Variants in CPEB1 observed in about 807,000 individuals in gnomAD.
CPEB1 encodes cytoplasmic polyadenylation element binding protein 1.
In CPEB1, 7 loss-of-function variants were observed where a neutral mutation model predicts 65.8. The ratio of observed to expected loss-of-function variants is 0.11; its 90% CI spans 0.06 to 0.20. The LOEUF is 0.20. Ranked by LOEUF, CPEB1 falls within the 10% of genes least tolerant of loss-of-function variation. The probability of loss-of-function intolerance (pLI) is 1.00; values close to 1 mark genes in which losing one functional copy is unlikely to be tolerated. For synonymous variants in CPEB1, 262 were observed against 260.0 expected, an observed-to-expected ratio of 1.01 and a Z score of -0.08; for missense variants, 551 against 712.2, an observed-to-expected ratio of 0.77 and a Z score of 2.58.
intron 4 of CPEB1, among the ~76,000 whole-genome samples, chr15:82,566,352 T>C (rs2039122118): frequency 6.6e-6 from 1 of 152,206 alleles, no homozygotes; most frequent in East Asian, 1.9e-4. Context: ...GCCTGTGATA[T>C]AAGGCCGTAT....
intron 3 of CPEB1, among the ~76,000 whole-genome samples, chr15:82,618,072 C>T (rs540409726): frequency 2.6e-5 from 4 of 151,652 alleles, no homozygotes; most frequent in African/African-American, 9.7e-5. Flanking sequence ...TAATTGAAAG[C>T]TATTCTAAAA....
intron 4 of CPEB1, among the ~76,000 whole-genome samples, chr15:82,568,475 C>T (rs536977106): frequency 1.3e-5 from 2 of 152,280 alleles, no homozygotes; most frequent in East Asian, 3.9e-4. Flanking sequence ...TCAGGGTAGG[C>T]ACAGTCTAGA....
At chr15:82,615,694 A>C (rs181477355) in intron 3 of CPEB1, among the ~76,000 whole-genome samples, 2,687 of 152,302 alleles carry the variant, frequency 0.018, 30 homozygotes, top group Non-Finnish European at 0.025. Flanking sequence ...TTGAAGTATG[A>C]CAACATCTAG....
intron 1 of CPEB1, among the ~76,000 whole-genome samples, chr15:82,645,142 G>A (rs764187458): frequency 3.3e-5 from 5 of 152,158 alleles, no homozygotes; most frequent in African/African-American, 4.8e-5. Context: ...ACGGTTCGGA[G>A]GGGGGAAACC....
intron 3 of CPEB1, among the ~76,000 whole-genome samples, chr15:82,577,354 C>G (rs1342923400): frequency 6.6e-6 from 1 of 151,874 alleles, no homozygotes; most frequent in African/African-American, 2.4e-5. Context: ...CCACTGTGCC[C>G]GACTGCAAAG....
intron 12 of CPEB1, among the ~76,000 whole-genome samples, chr15:82,545,101 CCTG>C (rs2034928556): frequency 6.6e-6 from 1 of 152,190 alleles, no homozygotes; most frequent in Non-Finnish European, 1.5e-5. Context: ...TAGGCAACAT[CCTG>C]CTTTCTTCCC....
intron 4 of CPEB1, 98 bp from the exon 5 acceptor site, chr15:82,558,084 G>T: frequency 3.8e-6 from 3 of 793,784 alleles, no homozygotes; most frequent in Non-Finnish European, 6.0e-6. Flanking sequence ...AGATACCAAA[G>T]GCAAGACAAC....
chr15:82,604,939 C>T (rs985999221), intron 3 of CPEB1, among the ~76,000 whole-genome samples: 1 of 152,138 alleles, frequency 6.6e-6, no homozygotes, highest in African/African-American at 2.4e-5. Flanking sequence ...GAGACCTACA[C>T]CAAGACACAT....
intron 11 of CPEB1, 57 bp downstream of exon 11, chr15:82,547,085 TA>T: frequency 8.2e-7 from 1 of 1,217,476 alleles, no homozygotes; most frequent in African/African-American, 1.5e-5. Flanking sequence ...CCCTGGGTAG[TA>T]ACTGCCCAAA....
intron 9 of CPEB1, 123 bp downstream of exon 9, chr15:82,552,356 AG>A (rs1335034374): frequency 2.3e-6 from 2 of 878,442 alleles, no homozygotes; most frequent in African/African-American, 3.5e-5. Flanking sequence ...TGGGACAAGA[AG>A]AGCCTTCTTG....
At chr15:82,593,165 G>T in intron 3 of CPEB1, among the ~76,000 whole-genome samples, 1 of 152,248 alleles carries the variant, frequency 6.6e-6, no homozygotes, top group South Asian at 2.1e-4. Context: ...GATGTTTGCC[G>T]CATAGTTCGA....
chr15:82,579,954 A>G (rs1343806404), intron 3 of CPEB1, among the ~76,000 whole-genome samples: 1 of 113,638 alleles, frequency 8.8e-6, no homozygotes, highest in Non-Finnish European at 1.8e-5. Context: ...AAAAAAAAAA[A>G]AAAGACTCTC....
intron 3 of CPEB1, among the ~76,000 whole-genome samples, chr15:82,594,643 C>T (rs1461006462): frequency 6.6e-6 from 1 of 152,210 alleles, no homozygotes. Context: ...GAACTTGTGC[C>T]TTGCATTCAC....
At chr15:82,625,817 C>T (rs774564500) in intron 3 of CPEB1, among the ~76,000 whole-genome samples, 3 of 152,034 alleles carry the variant, frequency 2.0e-5, no homozygotes, top group Admixed American at 2.0e-4. Context: ...TATATTCTTT[C>T]ATCTAAAACA....
At position 82,544,514 on chromosome 15, in the gene CPEB1, C is replaced by CA. The variant is rs2150903731; in HGVS notation, c.*77dup. ...CTTGGGAAGCCAGCTCCCTGGTCGC[C>CA]AGTGGCAGGGTGGTGCAGGCTGCTT... On this transcript the variant is annotated 3_prime_UTR_variant, in exon 13 of 13. Transcript: ENST00000684509. 3 of 1,041,538 alleles carry CA rather than the reference C, an allele frequency of 2.9e-6. No individual in the cohort carries two copies. The highest frequency in any genetic ancestry group is 2.9e-5 in the South Asian group (2 of 68,556). 64.5% of individuals were successfully genotyped at this position (1,041,538 alleles called of 1,614,324 possible).
chr15:82,606,749 C>T (rs1475851328), intron 3 of CPEB1, among the ~76,000 whole-genome samples: 4 of 91,504 alleles, frequency 4.4e-5, no homozygotes, highest in Admixed American at 3.4e-4. Flanking sequence ...ACCCGGGAGG[C>T]GGAGCTTGCA....
chr15:82,574,707 A>G (rs527910308), intron 3 of CPEB1, among the ~76,000 whole-genome samples: 2 of 129,296 alleles, frequency 1.5e-5, no homozygotes, highest in African/African-American at 5.9e-5. Context: ...TGGGCAACAG[A>G]GCTAGACTCG....
At chr15:82,610,589 T>C (rs1159817417) in intron 3 of CPEB1, among the ~76,000 whole-genome samples, 2 of 151,980 alleles carry the variant, frequency 1.3e-5, no homozygotes, top group Admixed American at 6.6e-5. Flanking sequence ...ATCATCTCAA[T>C]GGACACAGAC....
At chr15:82,554,366 TACA>T (rs2036815999) in intron 6 of CPEB1, among the ~76,000 whole-genome samples, 1 of 152,228 alleles carries the variant, frequency 6.6e-6, no homozygotes, top group Non-Finnish European at 1.5e-5. Context: ...AACATAGCAA[TACA>T]ACATCTTGCA....
Sources: gnomAD v4.1 joint callset for allele counts (sites outside exome capture counted in the v4.1 genomes callset) on GRCh38, gnomAD v4.1.1 for gene constraint, MANE v1.5 for transcripts, NCBI Gene and HGNC (gene_info 2026-07-23, HGNC 2026-07-21) for gene names.